The following TRHDE variants were observed in gnomAD, a reference collection of about 807,000 sequenced individuals.
TRHDE encodes the protein thyrotropin releasing hormone degrading enzyme.
TRHDE carries 72 observed loss-of-function variants against 125.7 expected under a neutral mutation model. The ratio of observed to expected loss-of-function variants is 0.57; its 90% confidence interval spans 0.47 to 0.70. The LOEUF (loss-of-function observed/expected upper bound fraction) is 0.70, where lower values mean the gene tolerates loss of function less well. Among genes scored for constraint, TRHDE ranks in the 30% least tolerant of loss-of-function variants. The pLI is 0.00. For synonymous variants in TRHDE, 509 were observed against 509.1 expected (o/e 1.00, Z 0.00); for missense variants, 1,110 against 1,327.1 (o/e 0.84, Z 2.54).
chr12:72,644,271 C>T (rs577052539), intron 15 of TRHDE, among the ~76,000 whole-genome samples: 23 of 152,266 alleles, frequency 1.5e-4, no homozygotes, highest in Non-Finnish European at 2.2e-4. Flanking sequence ...TTCCTCCTCC[C>T]GGCTTCTCCC....
chr12:72,276,509 A>C (rs1879492994), intron 1 of TRHDE, among the ~76,000 whole-genome samples: 1 of 152,216 alleles, frequency 6.6e-6, no homozygotes, highest in Non-Finnish European at 1.5e-5. Context: ...CCTGAGCAAA[A>C]GAATTTTGGT....
chr12:72,597,760 CAT>C (rs763669025), intron 12 of TRHDE, among the ~76,000 whole-genome samples: 6,226 of 24,266 alleles, frequency 0.26, 768 homozygotes, highest in Admixed American at 0.43. Context: ...TATATATATG[CAT>C]ACACACACAA....
intron 15 of TRHDE, among the ~76,000 whole-genome samples, chr12:72,647,046 T>C (rs530457170): frequency 6.6e-6 from 1 of 152,130 alleles, no homozygotes; most frequent in Non-Finnish European, 1.5e-5. Flanking sequence ...ACATATAACT[T>C]TCTCCAAGTT....
intron 2 of TRHDE, among the ~76,000 whole-genome samples, chr12:72,169,202 G>C (rs1480356633): frequency 6.6e-6 from 1 of 151,588 alleles, no homozygotes; most frequent in Non-Finnish European, 1.5e-5. Flanking sequence ...AGTTTCAGTG[G>C]TTCTCAACCT....
intron 2 of TRHDE, among the ~76,000 whole-genome samples, chr12:72,343,747 G>A (rs1870187675): frequency 6.6e-6 from 1 of 152,204 alleles, no homozygotes; most frequent in Non-Finnish European, 1.5e-5. Flanking sequence ...ATAGAGTAAT[G>A]TGAAACTTAA....
intron 3 of TRHDE, among the ~76,000 whole-genome samples, chr12:72,405,286 T>A (rs149104910): frequency 2.0e-4 from 31 of 152,334 alleles, no homozygotes; most frequent in African/African-American, 7.5e-4. Context: ...TTTAATTTTT[T>A]ATCTATGAAC....
At chr12:72,413,981 C>CT (rs1280310595) in intron 3 of TRHDE, among the ~76,000 whole-genome samples, 2 of 152,000 alleles carry the variant, frequency 1.3e-5, no homozygotes, top group African/African-American at 2.4e-5. Flanking sequence ...AGTAAGGTGA[C>CT]TTTTAAAGAG....
chr12:72,494,806 T>C (rs1877834185), intron 5 of TRHDE, among the ~76,000 whole-genome samples: 1 of 152,222 alleles, frequency 6.6e-6, no homozygotes, highest in Middle Eastern at 3.4e-3. Context: ...AATATTGTAA[T>C]AAATAACATT....
At position 72,345,955 on chromosome 12, in the gene TRHDE, T is replaced by C. The variant is rs911365953; in HGVS notation, c.1189-32040T>C. On this transcript the variant is annotated intron_variant, in intron 2 of 18. Coordinates refer to ENST00000261180, the MANE Select transcript of TRHDE (RefSeq NM_013381.3). ...TCTGAAAGTAGAATGCATTTTGATA[T>C]GACATCAGTTTTACTCAGGAATTTG... Among the ~76,000 whole-genome samples the C allele has an allele frequency of 2.6e-5, 4 of 152,122 alleles. No individual in the cohort carries two copies. The South Asian group carries it at 6.2e-4, about 24-fold the overall frequency.
intron 3 of TRHDE, among the ~76,000 whole-genome samples, chr12:72,434,915 A>G (rs1243750285): frequency 2.0e-5 from 3 of 152,196 alleles, no homozygotes; most frequent in Non-Finnish European, 4.4e-5. Context: ...GGGCATGAAG[A>G]GTTGTTCTTT....
chr12:72,409,085 T>TA (rs1255028360), intron 3 of TRHDE, among the ~76,000 whole-genome samples: 2 of 152,246 alleles, frequency 1.3e-5, no homozygotes, highest in South Asian at 2.1e-4. Context: ...CACACTTGAA[T>TA]ATATCATAGT....
intron 2 of TRHDE, among the ~76,000 whole-genome samples, chr12:72,355,932 A>G (rs1870795998): frequency 6.6e-6 from 1 of 151,792 alleles, no homozygotes; most frequent in Non-Finnish European, 1.5e-5. Context: ...GAGAAAAGGG[A>G]ATGCTTATAC....
At chr12:72,396,779 T>C (rs1480019789) in intron 3 of TRHDE, among the ~76,000 whole-genome samples, 1 of 151,964 alleles carries the variant, frequency 6.6e-6, no homozygotes, top group Non-Finnish European at 1.5e-5. Context: ...ACAAAAAAAC[T>C]TTATTCTCTT....
intron 15 of TRHDE, among the ~76,000 whole-genome samples, chr12:72,633,446 T>C (rs1054853170): frequency 6.6e-6 from 1 of 152,092 alleles, no homozygotes; most frequent in African/African-American, 2.4e-5. Context: ...TTGCAGACTG[T>C]TTTTTGGACT....
chr12:72,341,727 C>G (rs1870094164), intron 2 of TRHDE, among the ~76,000 whole-genome samples: 1 of 152,010 alleles, frequency 6.6e-6, no homozygotes. Context: ...ATAGCAACGA[C>G]AGAGTCAAAG....
At chr12:72,373,920 A>G (rs929052379) in intron 2 of TRHDE, among the ~76,000 whole-genome samples, 6 of 152,174 alleles carry the variant, frequency 3.9e-5, no homozygotes, top group African/African-American at 1.4e-4. Flanking sequence ...CTGTGAGGGG[A>G]GAAGCCACTG....
intron 2 of TRHDE, among the ~76,000 whole-genome samples, chr12:72,360,333 G>T (rs998377213): frequency 6.6e-6 from 1 of 151,670 alleles, no homozygotes; most frequent in Non-Finnish European, 1.5e-5. Flanking sequence ...TTGCACATTG[G>T]CAAATGATTA....
At chr12:72,550,641 C>T (rs541664162) in intron 7 of TRHDE, among the ~76,000 whole-genome samples, 33 of 151,816 alleles carry the variant, frequency 2.2e-4, no homozygotes, top group East Asian at 1.9e-4. Flanking sequence ...TTCGCTTTGT[C>T]CATGTTTGTG....
intron 1 of TRHDE, among the ~76,000 whole-genome samples, chr12:72,092,991 C>T (rs1481723695): frequency 6.6e-6 from 1 of 152,176 alleles, no homozygotes; most frequent in African/African-American, 2.4e-5. Context: ...CTCTCCATTT[C>T]CCCTGTGAGA....
Sources: gnomAD v4.1 joint callset for allele counts (sites outside exome capture counted in the v4.1 genomes callset) on GRCh38, gnomAD v4.1.1 for gene constraint, MANE v1.5 for transcripts, NCBI Gene and HGNC (gene_info 2026-07-23, HGNC 2026-07-21) for gene names.